The following RP1 variants were observed in gnomAD, a reference collection of about 807,000 sequenced individuals.
RP1 encodes RP1 axonemal microtubule associated, also known as oxygen-regulated protein 1.
In RP1, 16 loss-of-function variants were observed where a neutral mutation model predicts 14.8. That is an observed-to-expected ratio of 1.08 (90% confidence interval 0.73 to 1.65). RP1 has a LOEUF of 1.65. RP1 is among the 40% of genes most tolerant of loss of function. The probability of loss-of-function intolerance (pLI) is 0.00; values close to 1 mark genes in which losing one functional copy is unlikely to be tolerated. For synonymous variants in RP1, 876 were observed against 883.6 expected, an observed-to-expected ratio of 0.99 and a Z score of 0.15; for missense variants, 2,631 against 2,535.0, an observed-to-expected ratio of 1.04 and a Z score of -0.81.
At chr8:54,829,999 T>G (rs1806207270) in intron 24 of RP1, among the ~76,000 whole-genome samples, 1 of 152,188 alleles carries the variant, frequency 6.6e-6, no homozygotes, top group Admixed American at 6.5e-5. Context: ...AAAAAGAGTA[T>G]GTATTCTGAA....
chr8:54,807,621 C>A (rs1563382135), intron 24 of RP1, among the ~76,000 whole-genome samples: 1 of 149,782 alleles, frequency 6.7e-6, no homozygotes, highest in African/African-American at 2.5e-5. Flanking sequence ...TCTCTATCTA[C>A]CTGTCTGTCT....
intron 7 of RP1, among the ~76,000 whole-genome samples, chr8:54,672,251 C>G (rs1484392592): frequency 6.6e-6 from 1 of 152,082 alleles, no homozygotes; most frequent in Admixed American, 6.6e-5. Context: ...TCAGGGGAGA[C>G]AAAAACCAGT....
At chr8:54,701,448 G>A in intron 13 of RP1, 1 of 1,468,274 alleles carries the variant, frequency 6.8e-7, no homozygotes, top group Non-Finnish European at 8.9e-7. Flanking sequence ...TTTTTTTTCT[G>A]TTACTAATTT....
In RP1 at chr8:54,726,421, GA is replaced by G. The variant is rs1214953601; in HGVS notation, c.2473del (p.Ile825TyrfsTer37). Reference sequence around the variant, plus strand: ...AAAAGATCCATGAGTCAAAAAAACAGAAAAAAATACCCCCAGAATCTGAGGC... The same window carrying G: ...AAAAGATCCATGAGTCAAAAAAACAGAAAAAATACCCCCAGAATCTGAGGC... On this transcript the variant is annotated frameshift_variant, in exon 17 of 23. Transcript: ENST00000636932. LOFTEE classifies it high-confidence loss of function. 3.9e-6 allele frequency: 6 copies of G among 1,533,550 alleles called. No individual in the cohort carries two copies. The highest frequency in any genetic ancestry group is 1.2e-5 in the South Asian group (1 of 83,734). 95.0% of individuals were successfully genotyped at this position (1,533,550 alleles called of 1,614,324 possible). A position where few individuals can be genotyped will look rare whatever the true frequency, so the allele number is the denominator to read the frequency against.
At chr8:54,590,011 C>T (rs1197484744) in intron 1 of RP1, among the ~76,000 whole-genome samples, 1 of 152,156 alleles carries the variant, frequency 6.6e-6, no homozygotes. Flanking sequence ...TCCAGATGAC[C>T]TGCATCAAGT....
At chr8:54,733,548 T>C (rs1303531520) in intron 17 of RP1, among the ~76,000 whole-genome samples, 2 of 152,202 alleles carry the variant, frequency 1.3e-5, no homozygotes, top group African/African-American at 2.4e-5. Context: ...GAATTTCTTA[T>C]TTTCTAGACT....
chr8:54,801,594 C>T (rs896892934), intron 24 of RP1, among the ~76,000 whole-genome samples: 35 of 151,982 alleles, frequency 2.3e-4, no homozygotes, highest in African/African-American at 8.0e-4. Context: ...GCCGTTACTA[C>T]CCCCAGCCAG....
chr8:54,856,273 A>G (rs1377642619), intron 26 of RP1, among the ~76,000 whole-genome samples: 1 of 152,030 alleles, frequency 6.6e-6, no homozygotes, highest in Non-Finnish European at 1.5e-5. Flanking sequence ...AAGTCAAGAT[A>G]GTGGATATCG....
At chr8:54,862,758 C>T (rs1455639710) in intron 27 of RP1, among the ~76,000 whole-genome samples, 3 of 152,000 alleles carry the variant, frequency 2.0e-5, no homozygotes, top group African/African-American at 2.4e-5. Context: ...ATGGCAGCTG[C>T]GCATATGACT....
At chr8:54,807,632 GTCTATCTATCTATCTA>G (rs145286591) in intron 24 of RP1, among the ~76,000 whole-genome samples, 35 of 125,054 alleles carry the variant, frequency 2.8e-4, no homozygotes, top group East Asian at 1.7e-3. Flanking sequence ...CTGTCTGTCT[GTCTATCTATCTATCTA>G]TCTATCTATC....
chr8:54,673,244 A>G (rs1025767648), intron 7 of RP1, among the ~76,000 whole-genome samples: 9 of 152,214 alleles, frequency 5.9e-5, no homozygotes, highest in Non-Finnish European at 1.2e-4. Flanking sequence ...TTGAAACATA[A>G]TACACTATAC....
At chr8:54,788,368 G>T (rs1810377788) in intron 24 of RP1, among the ~76,000 whole-genome samples, 1 of 152,180 alleles carries the variant, frequency 6.6e-6, no homozygotes, top group Admixed American at 6.5e-5. Flanking sequence ...TTAGCTAGAT[G>T]GGTGTTAGCA....
At chr8:54,824,789 A>G (rs1811342915) in intron 24 of RP1, among the ~76,000 whole-genome samples, 1 of 152,226 alleles carries the variant, frequency 6.6e-6, no homozygotes, top group South Asian at 2.1e-4. Context: ...AACCTGTTAT[A>G]TTAATAGGCT....
At chr8:54,660,807 A>G (rs1186081464) in intron 6 of RP1, among the ~76,000 whole-genome samples, 1 of 152,142 alleles carries the variant, frequency 6.6e-6, no homozygotes, top group East Asian at 1.9e-4. Flanking sequence ...AACCCTGGGT[A>G]AATATGTCAA....
At chr8:54,636,051 T>C (rs1806339993) in intron 3 of RP1, among the ~76,000 whole-genome samples, 2 of 152,170 alleles carry the variant, frequency 1.3e-5, no homozygotes, top group Non-Finnish European at 2.9e-5. Context: ...CCCTAACCTT[T>C]CTGGGAACTG....
intron 27 of RP1, among the ~76,000 whole-genome samples, chr8:54,861,766 C>A (rs1462439903): frequency 6.6e-6 from 1 of 152,062 alleles, no homozygotes; most frequent in African/African-American, 2.4e-5. Flanking sequence ...CCATGCCCAG[C>A]TAATTTTTTG....
chr8:54,645,970 C>G (rs1806541788), intron 3 of RP1, among the ~76,000 whole-genome samples: 1 of 152,088 alleles, frequency 6.6e-6, no homozygotes, highest in Admixed American at 6.6e-5. Flanking sequence ...AAAAAAGGAG[C>G]TGTTTGTCCA....
chr8:54,787,256 G>C (rs1026769504), intron 24 of RP1, among the ~76,000 whole-genome samples: 1 of 152,100 alleles, frequency 6.6e-6, no homozygotes, highest in African/African-American at 2.4e-5. Context: ...AGAGCAAAAT[G>C]TCCATTACGG....
intron 23 of RP1, chr8:54,780,873 A>G (rs960855181): frequency 4.1e-6 from 4 of 966,612 alleles, no homozygotes; most frequent in Non-Finnish European, 4.9e-6. Context: ...TCAGTTTTAC[A>G]TATACTGATT....
Sources: allele counts gnomAD v4.1 joint callset (sites outside exome capture counted in the v4.1 genomes callset), GRCh38; gene constraint gnomAD v4.1.1; transcripts MANE v1.5; gene names NCBI Gene and HGNC (gene_info 2026-07-23, HGNC 2026-07-21).